Variants in GREB1L observed in about 807,000 individuals in gnomAD.
The protein encoded by GREB1L is GREB1 like retinoic acid receptor coactivator.
A neutral mutation model predicts 200.8 loss-of-function variants in GREB1L; 17 were observed. The ratio of observed to expected loss-of-function variants is 0.08; its 90% CI spans 0.06 to 0.13. The LOEUF is 0.13. GREB1L is among the 10% of genes least tolerant of loss of function. GREB1L has a pLI of 1.00. For synonymous variants in GREB1L, 789 were observed against 893.0 expected (o/e 0.88, Z 2.08); for missense variants, 1,657 against 2,367.7 (o/e 0.70, Z 6.23).
intron 1 of GREB1L, among the ~76,000 whole-genome samples, chr18:21,256,687 G>A (rs1216134255): frequency 1.3e-5 from 2 of 152,214 alleles, no homozygotes; most frequent in Admixed American, 1.3e-4. Flanking sequence ...ACATTTCTGA[G>A]ATAATGAATC....
intron 11 of GREB1L, among the ~76,000 whole-genome samples, chr18:21,445,533 A>T (rs1056252811): frequency 7.9e-5 from 12 of 152,220 alleles, no homozygotes; most frequent in African/African-American, 2.9e-4. Flanking sequence ...TTACACATAA[A>T]AATATTAGTA....
chr18:21,290,836 A>AG (rs1388916404), intron 1 of GREB1L, among the ~76,000 whole-genome samples: 1 of 151,828 alleles, frequency 6.6e-6, no homozygotes, highest in East Asian at 1.9e-4. Context: ...AAAAAAAAAA[A>AG]AAAAAAAAAG....
At chr18:21,401,528 T>C (rs2144525806) in intron 6 of GREB1L, among the ~76,000 whole-genome samples, 1 of 152,306 alleles carries the variant, frequency 6.6e-6, no homozygotes, top group East Asian at 1.9e-4. Flanking sequence ...TTTAGGAAAG[T>C]GAATGTCTCT....
intron 7 of GREB1L, among the ~76,000 whole-genome samples, chr18:21,417,930 G>A (rs1212792227): frequency 2.0e-5 from 3 of 148,020 alleles, no homozygotes; most frequent in Non-Finnish European, 3.0e-5. Flanking sequence ...GCAGTGAGCC[G>A]AGATTGTGCC....
chr18:21,493,790 C>T (rs1307975529), intron 19 of GREB1L, among the ~76,000 whole-genome samples: 3 of 124,552 alleles, frequency 2.4e-5, no homozygotes, highest in Non-Finnish European at 3.1e-5. Flanking sequence ...CGCTTGAACC[C>T]GGGAGGTGGA....
intron 14 of GREB1L, 80 bp downstream of exon 14, chr18:21,452,297 G>A (rs1405143655): frequency 1.4e-6 from 2 of 1,397,898 alleles, no homozygotes; most frequent in African/African-American, 1.4e-5. Flanking sequence ...TAAGGGTTTT[G>A]AGGATTCTTC....
At position 21,363,803 on chromosome 18, in the gene GREB1L, C is replaced by T. The variant is rs143537831; in HGVS notation, c.-119-2224C>T. 167 of 152,288 alleles carry T rather than the reference C, an allele frequency of 1.1e-3. No individual in the cohort carries two copies. The Middle Eastern group carries it at 0.014, about 12-fold the overall frequency. 9.4% of individuals were successfully genotyped at this position (152,288 alleles called of 1,614,324 possible). A position where few individuals can be genotyped will look rare whatever the true frequency, so the allele number is the denominator to read the frequency against. On this transcript the variant is annotated intron_variant, in intron 1 of 32. Coordinates refer to ENST00000424526, the MANE Select transcript of GREB1L (RefSeq NM_001142966.3). ...GGATCAGATGTCATTTTATAAACATCTTGGAAATCAGAATCTTTTGGTGGC... is the reference window on the plus strand; with the variant it reads ...GGATCAGATGTCATTTTATAAACATTTTGGAAATCAGAATCTTTTGGTGGC...
At chr18:21,386,593 C>CTTTTT (rs35010034) in intron 4 of GREB1L, among the ~76,000 whole-genome samples, 3 of 115,128 alleles carry the variant, frequency 2.6e-5, no homozygotes, top group African/African-American at 1.1e-4. Flanking sequence ...TGGCCAGTAG[C>CTTTTT]TTTTTTTTTT....
chr18:21,357,135 AC>A (rs377590740), intron 1 of GREB1L, among the ~76,000 whole-genome samples: 48 of 152,280 alleles, frequency 3.2e-4, no homozygotes, highest in African/African-American at 8.4e-4. Flanking sequence ...GCTCACTGCA[AC>A]GTCTGCCTCC....
chr18:21,332,955 C>T (rs1440951573), intron 1 of GREB1L, among the ~76,000 whole-genome samples: 2 of 151,988 alleles, frequency 1.3e-5, no homozygotes, highest in Non-Finnish European at 2.9e-5. Flanking sequence ...ATGACATATA[C>T]CTGTAGTCCC....
chr18:21,477,510 G>T (rs1388599247), intron 17 of GREB1L, among the ~76,000 whole-genome samples, 154 bp downstream of exon 17: 1 of 152,194 alleles, frequency 6.6e-6, no homozygotes, highest in Non-Finnish European at 1.5e-5. Context: ...AATCTGGCTG[G>T]GTGCGGTGGC....
chr18:21,483,243 G>A (rs2035992259), intron 17 of GREB1L, among the ~76,000 whole-genome samples: 1 of 152,188 alleles, frequency 6.6e-6, no homozygotes. Flanking sequence ...CTCGGAATAG[G>A]ATTTGACATT....
intron 15 of GREB1L, among the ~76,000 whole-genome samples, chr18:21,458,203 T>G (rs1314600934): frequency 6.6e-6 from 1 of 152,094 alleles, no homozygotes; most frequent in Non-Finnish European, 1.5e-5. Context: ...ACTTCCGACC[T>G]CAGGTGATCC....
intron 1 of GREB1L, among the ~76,000 whole-genome samples, chr18:21,341,692 C>T (rs1386937417): frequency 1.3e-5 from 2 of 152,046 alleles, no homozygotes; most frequent in Non-Finnish European, 2.9e-5. Context: ...AATTTTTAAA[C>T]CTAAAGGAGT....
chr18:21,357,628 C>A (rs1359632550), intron 1 of GREB1L, among the ~76,000 whole-genome samples: 1 of 152,230 alleles, frequency 6.6e-6, no homozygotes, highest in Admixed American at 6.5e-5. Context: ...ATATTTAAGT[C>A]TATTTTGAGT....
At chr18:21,479,884 C>T (rs1276435682) in intron 17 of GREB1L, among the ~76,000 whole-genome samples, 50 of 152,098 alleles carry the variant, frequency 3.3e-4, no homozygotes, top group Admixed American at 3.3e-3. Context: ...GAGCTACATG[C>T]ACATACCACA....
chr18:21,454,760 A>C, intron 15 of GREB1L, 197 bp downstream of exon 15: 2 of 597,882 alleles, frequency 3.3e-6, no homozygotes, highest in South Asian at 2.0e-5. Flanking sequence ...CTCAAGGTCA[A>C]GGGTAAATTG....
chr18:21,450,836 G>T, intron 12 of GREB1L, 187 bp from the exon 13 acceptor site: 1 of 535,310 alleles, frequency 1.9e-6, no homozygotes. Flanking sequence ...TTCTGTTTCT[G>T]TCTAGAGTCA....
chr18:21,302,012 G>C (rs1452123851), intron 1 of GREB1L, among the ~76,000 whole-genome samples: 1 of 152,236 alleles, frequency 6.6e-6, no homozygotes, highest in Admixed American at 6.5e-5. Context: ...TACCCTGGTA[G>C]ACATACTTTT....
Sources: gnomAD v4.1 joint callset for allele counts (sites outside exome capture counted in the v4.1 genomes callset) on GRCh38, gnomAD v4.1.1 for gene constraint, MANE v1.5 for transcripts, NCBI Gene and HGNC (gene_info 2026-07-23, HGNC 2026-07-21) for gene names.